Variants in ATXN7L1 observed in about 807,000 individuals in gnomAD.
ATXN7L1 encodes the protein ataxin 7 like 1, also known as ataxin-7-like protein 1.
In ATXN7L1, 15 loss-of-function variants were observed where a neutral mutation model predicts 70.8. The ratio of observed to expected loss-of-function variants is 0.21; its 90% CI spans 0.14 to 0.33. The LOEUF is 0.33. Ranked by LOEUF, ATXN7L1 falls within the 10% of genes least tolerant of loss-of-function variation. The pLI, the probability that ATXN7L1 is intolerant of heterozygous loss-of-function variation, is 1.00. For missense variants in ATXN7L1, 975 were observed against 1,097.1 expected (o/e 0.89, Z 1.57); for synonymous variants, 440 against 445.1 (o/e 0.99, Z 0.14).
At chr7:105,743,617 A>C (rs1030880651) in intron 3 of ATXN7L1, among the ~76,000 whole-genome samples, 5 of 152,188 alleles carry the variant, frequency 3.3e-5, no homozygotes, top group Admixed American at 2.0e-4. Flanking sequence ...GCTGAATGTT[A>C]CATAGCTGCA....
intron 3 of ATXN7L1, among the ~76,000 whole-genome samples, chr7:105,701,091 G>T (rs997827244): frequency 7.9e-5 from 12 of 152,146 alleles, no homozygotes; most frequent in Admixed American, 7.2e-4. Context: ...TGCAAAAAGT[G>T]TGTCAAGTTT....
intron 8 of ATXN7L1, among the ~76,000 whole-genome samples, chr7:105,623,838 T>A (rs980275479): frequency 1.3e-5 from 2 of 152,250 alleles, no homozygotes; most frequent in African/African-American, 4.8e-5. Flanking sequence ...TTCCCCTTTT[T>A]TCTTTTTAGT....
intron 2 of ATXN7L1, among the ~76,000 whole-genome samples, chr7:105,813,208 A>G (rs181503972): frequency 2.0e-5 from 3 of 152,334 alleles, no homozygotes; most frequent in South Asian, 2.1e-4. Flanking sequence ...CACTGTATCT[A>G]TAATATTTCC....
At chr7:105,827,956 T>C (rs1811105551) in intron 2 of ATXN7L1, among the ~76,000 whole-genome samples, 1 of 152,196 alleles carries the variant, frequency 6.6e-6, no homozygotes, top group South Asian at 2.1e-4. Context: ...CATATGTCAG[T>C]TCAGGGCAGA....
At chr7:105,623,502 G>C (rs1795231520) in intron 8 of ATXN7L1, among the ~76,000 whole-genome samples, 1 of 152,208 alleles carries the variant, frequency 6.6e-6, no homozygotes, top group Admixed American at 6.5e-5. Context: ...TGGAAAGAAA[G>C]TGCCCTTCTT....
At chr7:105,645,640 C>CAAAA (rs34135377) in intron 4 of ATXN7L1, among the ~76,000 whole-genome samples, 1 of 124,084 alleles carries the variant, frequency 8.1e-6, no homozygotes, top group Non-Finnish European at 1.6e-5. Flanking sequence ...GCTAAAAATC[C>CAAAA]AAAAAAAAAA....
chr7:105,841,772 T>A (rs1813245735), intron 2 of ATXN7L1, among the ~76,000 whole-genome samples: 1 of 152,200 alleles, frequency 6.6e-6, no homozygotes, highest in Non-Finnish European at 1.5e-5. Flanking sequence ...CATTTAAAAA[T>A]TAAACTATCA....
intron 2 of ATXN7L1, among the ~76,000 whole-genome samples, chr7:105,824,205 C>G (rs944912191): frequency 1.3e-5 from 2 of 152,162 alleles, no homozygotes; most frequent in African/African-American, 4.8e-5. Flanking sequence ...TGAAAATTCT[C>G]CAAAGAAATG....
chr7:105,716,918 C>T (rs1467112900), intron 3 of ATXN7L1, among the ~76,000 whole-genome samples: 1 of 151,552 alleles, frequency 6.6e-6, no homozygotes, highest in Non-Finnish European at 1.5e-5. Flanking sequence ...TTTAAAAAAT[C>T]TAATTATTAA....
intron 7 of ATXN7L1, among the ~76,000 whole-genome samples, chr7:105,632,921 TAAAAAAAAA>T (rs11417434): frequency 1.7e-5 from 1 of 60,042 alleles, no homozygotes; most frequent in African/African-American, 7.2e-5. Context: ...ATCTTGTCTT[TAAAAAAAAA>T]AAAAAAAAAA....
intron 7 of ATXN7L1, among the ~76,000 whole-genome samples, chr7:105,635,749 G>T (rs938077416): frequency 5.9e-5 from 9 of 151,890 alleles, no homozygotes; most frequent in African/African-American, 2.2e-4. Context: ...TTAACGAAAA[G>T]ATACGTATGA....
At chr7:105,683,550 A>T (rs1805810707) in intron 3 of ATXN7L1, among the ~76,000 whole-genome samples, 3 of 152,090 alleles carry the variant, frequency 2.0e-5, no homozygotes, top group Admixed American at 2.0e-4. Flanking sequence ...GTGGTGGTGC[A>T]CACTTGTAAT....
chr7:105,645,569 G>A (rs1184472277), intron 4 of ATXN7L1, among the ~76,000 whole-genome samples: 9 of 151,692 alleles, frequency 5.9e-5, no homozygotes, highest in African/African-American at 1.9e-4. Flanking sequence ...GGCCGAGGCA[G>A]GTGGATCACC....
At chr7:105,647,004 C>T (rs1381800167) in intron 4 of ATXN7L1, among the ~76,000 whole-genome samples, 4 of 152,030 alleles carry the variant, frequency 2.6e-5, no homozygotes, top group Non-Finnish European at 5.9e-5. Flanking sequence ...TTTAATTTCT[C>T]ACCCTTGTTC....
intron 3 of ATXN7L1, among the ~76,000 whole-genome samples, chr7:105,753,975 C>G (rs183531980): frequency 3.4e-5 from 4 of 116,890 alleles, no homozygotes; most frequent in African/African-American, 5.6e-5. Context: ...CTCTGCCCCC[C>G]CAAAAGCCAT....
intron 3 of ATXN7L1, among the ~76,000 whole-genome samples, chr7:105,715,334 G>C (rs1431037201): frequency 2.0e-5 from 3 of 152,230 alleles, no homozygotes; most frequent in Non-Finnish European, 2.9e-5. Context: ...TGGGCATCAA[G>C]TGAGATAACT....
Position 105,661,843 on chromosome 7 carries a change from T to A in ATXN7L1, c.578+3223A>T, listed in dbSNP as rs74644460. Among the ~76,000 whole-genome samples, 1,170 of 152,262 alleles carry A rather than the reference T, an allele frequency of 7.7e-3. 15 individuals carry two copies. Among genetic ancestry groups the A allele is most frequent in the African/African-American group, 0.027 (1,120 of 41,540 alleles). On this transcript the variant is annotated intron_variant, in intron 4 of 11. Transcript: ENST00000419735. ...AGCCTCATTCATGGTGCACCACTGG[T>A]TCTGTCCTCAGAATATTTACCGACT...
At chr7:105,749,757 G>C (rs1798980967) in intron 3 of ATXN7L1, among the ~76,000 whole-genome samples, 1 of 151,854 alleles carries the variant, frequency 6.6e-6, no homozygotes, top group South Asian at 2.1e-4. Context: ...TCACTTGTGG[G>C]GCTTCTGACT....
chr7:105,820,496 G>C (rs926049427), intron 2 of ATXN7L1, among the ~76,000 whole-genome samples: 2 of 152,194 alleles, frequency 1.3e-5, no homozygotes, highest in African/African-American at 4.8e-5. Flanking sequence ...TGGCTAGACA[G>C]AGAGCTGTGG....
Sources: gnomAD v4.1 joint callset for allele counts (sites outside exome capture counted in the v4.1 genomes callset) on GRCh38, gnomAD v4.1.1 for gene constraint, MANE v1.5 for transcripts, NCBI Gene and HGNC (gene_info 2026-07-23, HGNC 2026-07-21) for gene names.